TMEFF2: variants seen among roughly 807,000 people sequenced by gnomAD.
TMEFF2 encodes tomoregulin-2.
A neutral mutation model predicts 53.8 loss-of-function variants in TMEFF2; 28 were observed. That is an observed-to-expected ratio of 0.52 (90% CI 0.39 to 0.71). TMEFF2 has a LOEUF of 0.71. TMEFF2 is among the 30% of genes least tolerant of loss of function. TMEFF2 has a pLI of 0.00. For missense variants in TMEFF2, 353 were observed against 455.2 expected (o/e 0.78, Z 2.04); for synonymous variants, 162 against 166.3 (o/e 0.97, Z 0.20).
Position 192,194,624 on chromosome 2 carries a change from G to A in TMEFF2, c.-100C>T. ...ACTGAGCATCCCGCGGACGGCGGCAGCAGAGGCGGCGGCGGTGGCAGTGGC... is the reference window on the plus strand; with the variant it reads ...ACTGAGCATCCCGCGGACGGCGGCAACAGAGGCGGCGGCGGTGGCAGTGGC... On this transcript the variant is annotated 5_prime_UTR_variant, in exon 1 of 10. Coordinates refer to ENST00000272771, the MANE Select transcript of TMEFF2 (RefSeq NM_016192.4). The surrounding 1 kb of genome is among the most constrained non-coding windows in gnomAD (Gnocchi z 4.2). 8 of 1,416,068 alleles carry A rather than the reference G, an allele frequency of 5.6e-6. No homozygotes were observed. The highest frequency in any genetic ancestry group is 3.9e-5 in the South Asian group (3 of 77,058). 87.7% of individuals were successfully genotyped at this position (1,416,068 alleles called of 1,614,324 possible).
intron 4 of TMEFF2, among the ~76,000 whole-genome samples, chr2:192,169,022 G>C (rs569030896): frequency 7.9e-5 from 12 of 151,926 alleles, no homozygotes; most frequent in Admixed American, 7.9e-4. Flanking sequence ...CCTGAATTAA[G>C]CACACTTTTT....
chr2:192,003,929 G>GGGGC lies in TMEFF2; in HGVS notation c.537-4722_537-4721insGCCC, dbSNP rs1553512500. 1.0e-4 allele frequency among the ~76,000 whole-genome samples: 12 copies of GGGGC among 117,482 alleles called. 1 individual carries two copies. Among genetic ancestry groups the GGGGC allele is most frequent in the African/African-American group, 2.0e-4 (5 of 24,580 alleles). The allele number at this position is 117,482 out of a possible 152,430, so 77.1% of individuals were successfully genotyped here. A position where few individuals can be genotyped will look rare whatever the true frequency, so the allele number is the denominator to read the frequency against. On this transcript the variant is annotated intron_variant, in intron 5 of 9. Transcript: ENST00000272771. ...AGTGAAAAAATTTGTGTGTGTGTGT[G>GGGGC]GGGGGGGGGCTCACACTCACCTCCA...
At chr2:191,970,940 T>C (rs1249618800) in intron 7 of TMEFF2, among the ~76,000 whole-genome samples, 1 of 152,198 alleles carries the variant, frequency 6.6e-6, no homozygotes, top group South Asian at 2.1e-4. Flanking sequence ...TCACCTTAGC[T>C]TAAGCTTAAG....
intron 3 of TMEFF2, among the ~76,000 whole-genome samples, chr2:192,183,975 T>C (rs189716179): frequency 1.3e-4 from 20 of 152,244 alleles, no homozygotes; most frequent in African/African-American, 4.8e-4. Context: ...GATAATGCTA[T>C]TGTTCAAAAC....
At chr2:192,112,481 T>A (rs1689305047) in intron 4 of TMEFF2, among the ~76,000 whole-genome samples, 2 of 152,188 alleles carry the variant, frequency 1.3e-5, no homozygotes, top group Admixed American at 1.3e-4. Flanking sequence ...CTCTATTGTA[T>A]CCAGGAAGAA....
rs760090692 is a variant in TMEFF2, at chr2:192,184,502, T to C, written c.283-19A>G. Reference sequence around the variant, plus strand: ...TGTTGCACTGGGAAACACACAGATGTAAGCCTATAGTTAGTACTGGAGATT... The same window carrying C: ...TGTTGCACTGGGAAACACACAGATGCAAGCCTATAGTTAGTACTGGAGATT... On this transcript the variant is annotated intron_variant, in intron 2 of 9. Transcript: ENST00000272771. 5 of 1,612,676 alleles carry C rather than the reference T, an allele frequency of 3.1e-6. No homozygotes were observed. The East Asian group carries it at 1.1e-4, about 36-fold the overall frequency.
chr2:192,084,494 A>G (rs552881856), intron 4 of TMEFF2, among the ~76,000 whole-genome samples: 20 of 152,232 alleles, frequency 1.3e-4, no homozygotes, highest in Middle Eastern at 3.2e-3. Flanking sequence ...TTTAAAAAGA[A>G]GAACGGACCC....
At chr2:192,103,552 A>T (rs1371639968) in intron 4 of TMEFF2, among the ~76,000 whole-genome samples, 1 of 152,088 alleles carries the variant, frequency 6.6e-6, no homozygotes, top group African/African-American at 2.4e-5. Flanking sequence ...TTCTTTTGCT[A>T]ATTAGACATT....
chr2:192,068,256 A>G (rs1162156649), intron 4 of TMEFF2, among the ~76,000 whole-genome samples: 1 of 151,910 alleles, frequency 6.6e-6, no homozygotes, highest in African/African-American at 2.4e-5. Context: ...AAGGTGAAGG[A>G]AAGTCATTCT....
chr2:192,156,620 A>G (rs1327763113), intron 4 of TMEFF2, among the ~76,000 whole-genome samples: 1 of 152,044 alleles, frequency 6.6e-6, no homozygotes, highest in African/African-American at 2.4e-5. Context: ...AACAGGGTAT[A>G]TCACCAGTAA....
intron 8 of TMEFF2, among the ~76,000 whole-genome samples, chr2:191,955,846 T>C (rs1019255377): frequency 2.0e-5 from 3 of 152,134 alleles, no homozygotes; most frequent in Non-Finnish European, 4.4e-5. Context: ...TAGGAAAAGA[T>C]GAACTCTGAG....
intron 4 of TMEFF2, among the ~76,000 whole-genome samples, chr2:192,149,897 G>A (rs1045420816): frequency 2.0e-5 from 3 of 151,802 alleles, no homozygotes; most frequent in Non-Finnish European, 2.9e-5. Flanking sequence ...TAACTTCCTG[G>A]CTAACTTTCA....
intron 4 of TMEFF2, among the ~76,000 whole-genome samples, chr2:192,121,112 G>C (rs1246107698): frequency 7.7e-6 from 1 of 130,012 alleles, no homozygotes; most frequent in Non-Finnish European, 1.9e-5. Context: ...CAAAACAAAA[G>C]AAAACAAAAA....
chr2:192,064,039 CAT>C (rs1688111259), intron 4 of TMEFF2, among the ~76,000 whole-genome samples: 1 of 151,748 alleles, frequency 6.6e-6, no homozygotes, highest in Non-Finnish European at 1.5e-5. Flanking sequence ...CAATTATTGA[CAT>C]GTTTAGTTTT....
chr2:192,021,839 A>G (rs1686867364), intron 5 of TMEFF2: 2 of 152,226 alleles, frequency 1.3e-5, no homozygotes, highest in Non-Finnish European at 2.9e-5. Context: ...CGGATACGAA[A>G]AAAGCAAATA....
Position 192,037,433 on chromosome 2 carries a change from A to T in TMEFF2, c.536+20246T>A, listed in dbSNP as rs1289756483. On this transcript the variant is annotated intron_variant, in intron 5 of 9. Coordinates refer to ENST00000272771, the MANE Select transcript of TMEFF2 (RefSeq NM_016192.4). ...AGTGAGGTTCTATTTCCTTAGAAATAGAAGGAATTTCTAAGGCAGGTCCTT... is the reference window on the plus strand; with the variant it reads ...AGTGAGGTTCTATTTCCTTAGAAATTGAAGGAATTTCTAAGGCAGGTCCTT... Among the ~76,000 whole-genome samples the T allele has an allele frequency of 2.0e-5, 3 of 151,680 alleles. No homozygotes were observed. In the East Asian group the frequency reaches 5.8e-4, roughly 29 times the overall value.
chr2:192,123,322 GATAA>G (rs1689602952), intron 4 of TMEFF2, among the ~76,000 whole-genome samples: 1 of 152,056 alleles, frequency 6.6e-6, no homozygotes, highest in South Asian at 2.1e-4. Context: ...TACTTGTTTT[GATAA>G]ATAAGTTTAT....
chr2:192,032,865 C>A (rs143226697), intron 5 of TMEFF2, among the ~76,000 whole-genome samples: 12 of 152,296 alleles, frequency 7.9e-5, no homozygotes, highest in African/African-American at 2.6e-4. Flanking sequence ...TGAACAATTG[C>A]TGTTAATTTT....
chr2:192,075,308 T>A (rs1021546218), intron 4 of TMEFF2, among the ~76,000 whole-genome samples: 127 of 67,826 alleles, frequency 1.9e-3, no homozygotes, highest in Non-Finnish European at 2.2e-3. Context: ...TATATATATA[T>A]ATATATATAT....
Sources: gnomAD v4.1 joint callset for allele counts (sites outside exome capture counted in the v4.1 genomes callset) on GRCh38, gnomAD v4.1.1 for gene constraint, Gnocchi (gnomAD v3.1) non-coding constraint, MANE v1.5 for transcripts, NCBI Gene and HGNC (gene_info 2026-07-23, HGNC 2026-07-21) for gene names.